The following NALCN variants were observed in gnomAD, a reference collection of about 807,000 sequenced individuals.
NALCN encodes sodium leak channel, non-selective.
NALCN carries 111 observed loss-of-function variants against 225.3 expected under a neutral mutation model. The observed-to-expected ratio is 0.49, with a 90% CI of 0.42 to 0.58. The LOEUF (loss-of-function observed/expected upper bound fraction) is 0.58, where lower values mean the gene tolerates loss of function less well. NALCN is among the 20% of genes least tolerant of loss of function. The pLI, the probability that NALCN is intolerant of heterozygous loss-of-function variation, is 0.00. For missense variants in NALCN, 1,378 were observed against 2,202.4 expected, an observed-to-expected ratio of 0.63 and a Z score of 7.49; for synonymous variants, 764 against 769.0, an observed-to-expected ratio of 0.99 and a Z score of 0.11.
intron 7 of NALCN, among the ~76,000 whole-genome samples, chr13:101,295,895 G>A (rs1391084238): frequency 2.0e-5 from 3 of 152,132 alleles, no homozygotes; most frequent in South Asian, 2.1e-4. Flanking sequence ...TCCAATGGTC[G>A]ACCAATATTT....
At chr13:101,313,106 T>C (rs1346120791) in intron 7 of NALCN, among the ~76,000 whole-genome samples, 1 of 152,066 alleles carries the variant, frequency 6.6e-6, no homozygotes, top group East Asian at 1.9e-4. Flanking sequence ...TAATAAATGG[T>C]GCTGGGAAAA....
At chr13:101,123,245 G>A (rs1167193417) in intron 18 of NALCN, among the ~76,000 whole-genome samples, 1 of 152,178 alleles carries the variant, frequency 6.6e-6, no homozygotes, top group Non-Finnish European at 1.5e-5. Flanking sequence ...GGTGAGTAAG[G>A]TCCCTGTAGT....
rs9513851 is a variant in NALCN, at chr13:101,095,633, G to A, written c.3210C>T (p.Asn1070=). 0.065 allele frequency: 104,033 copies of A among 1,611,716 alleles called. 3,776 individuals carry two copies. The highest frequency in any genetic ancestry group is 0.11 in the South Asian group (10,298 of 90,766). The change falls in exon 28 of 44, where the codon AAC becomes AAT. Residue 1070 remains asparagine (N), a synonymous_variant. Transcript: ENST00000251127. ...IFRINVSVSK[N]LNLKLRPGEK... ...CTCCAGGCCTCAATTTTAAATTTAA[G>A]TTCTTTGACACACTGACATTAATTC... is the stretch of plus-strand genomic sequence containing the variant.
chr13:101,076,355 C>G (rs887211268), intron 34 of NALCN, among the ~76,000 whole-genome samples: 5 of 152,174 alleles, frequency 3.3e-5, no homozygotes, highest in Non-Finnish European at 7.3e-5. Flanking sequence ...ATTCTAGACA[C>G]CACTGAAGAA....
At chr13:101,116,253 T>C (rs1322872787) in intron 18 of NALCN, among the ~76,000 whole-genome samples, 1 of 151,176 alleles carries the variant, frequency 6.6e-6, no homozygotes, top group African/African-American at 2.5e-5. Context: ...GATTGATCCT[T>C]TTTTTTCCCC....
intron 7 of NALCN, among the ~76,000 whole-genome samples, chr13:101,312,726 C>A (rs2044393565): frequency 6.6e-6 from 1 of 152,128 alleles, no homozygotes; most frequent in Admixed American, 6.6e-5. Flanking sequence ...GTCTGAGAGA[C>A]AGTTTGTTAT....
intron 1 of NALCN, among the ~76,000 whole-genome samples, chr13:101,411,201 C>G (rs1566664709): frequency 1.6e-5 from 2 of 124,942 alleles, no homozygotes; most frequent in African/African-American, 6.8e-5. Context: ...AAACTTTATC[C>G]TCTTTCTTTT....
At position 101,225,770 on chromosome 13, in the gene NALCN, A is replaced by T. The variant is rs185520666; in HGVS notation, c.1626+3623T>A. Among the ~76,000 whole-genome samples the T allele has an allele frequency of 3.3e-5, 5 of 152,316 alleles. No homozygotes were observed. The East Asian group carries it at 9.7e-4, about 29-fold the overall frequency. ...GCTAAAACGTGAAAGGAATACCAAA[A>T]CAACCAAATACATTCTTGGTTTAGA... On this transcript the variant is annotated intron_variant, in intron 13 of 43. Coordinates refer to ENST00000251127, the MANE Select transcript of NALCN (RefSeq NM_052867.4).
At chr13:101,275,112 T>G (rs927576065) in intron 10 of NALCN, among the ~76,000 whole-genome samples, 2 of 152,218 alleles carry the variant, frequency 1.3e-5, no homozygotes, top group Non-Finnish European at 1.5e-5. Flanking sequence ...CGGCCACGCC[T>G]CCTGTTTCTG....
intron 10 of NALCN, among the ~76,000 whole-genome samples, chr13:101,273,985 ACAG>A (rs1467647058): frequency 5.9e-5 from 9 of 152,106 alleles, no homozygotes; most frequent in African/African-American, 2.2e-4. Flanking sequence ...AATTTACATT[ACAG>A]GACACCATTT....
At chr13:101,298,655 T>C (rs896398165) in intron 7 of NALCN, among the ~76,000 whole-genome samples, 17 of 152,172 alleles carry the variant, frequency 1.1e-4, no homozygotes, top group African/African-American at 3.6e-4. Flanking sequence ...GAGCGATGAA[T>C]AGTTTAAGAG....
intron 18 of NALCN, among the ~76,000 whole-genome samples, chr13:101,113,570 T>C (rs1444220919): frequency 1.3e-5 from 2 of 152,186 alleles, no homozygotes; most frequent in Admixed American, 1.3e-4. Context: ...TACAAAAGCA[T>C]GGTAAAAGTT....
rs184555347 is a variant in NALCN, at chr13:101,294,959, C to T, written c.800-2593G>A. 3.5e-3 allele frequency among the ~76,000 whole-genome samples: 536 copies of T among 152,138 alleles called. 3 individuals are homozygous for T. Among genetic ancestry groups the T allele is most frequent in the African/African-American group, 0.012 (496 of 41,470 alleles). ...GAAACAGGACGTGAAGCTAGACAAC[C>T]GGTTACAACACAAATTCTCAGAAGG... is the stretch of plus-strand genomic sequence containing the variant. On this transcript the variant is annotated intron_variant, in intron 7 of 43. Transcript: ENST00000251127.
chr13:101,093,692 T>C (rs1203540985), intron 28 of NALCN, among the ~76,000 whole-genome samples: 1 of 152,212 alleles, frequency 6.6e-6, no homozygotes, highest in East Asian at 1.9e-4. Flanking sequence ...ACTGGCAGGT[T>C]TACTTTTCTC....
chr13:101,321,826 A>G (rs2044755534), intron 7 of NALCN, among the ~76,000 whole-genome samples: 1 of 152,186 alleles, frequency 6.6e-6, no homozygotes, highest in Non-Finnish European at 1.5e-5. Context: ...TCATACATTA[A>G]ACTCATAATA....
intron 11 of NALCN, among the ~76,000 whole-genome samples, chr13:101,257,524 C>T (rs955645941): frequency 6.6e-6 from 1 of 152,036 alleles, no homozygotes; most frequent in Non-Finnish European, 1.5e-5. Context: ...TGTAATAACA[C>T]TTAATTATAT....
chr13:101,078,979 G>A (rs1566789864), intron 34 of NALCN, among the ~76,000 whole-genome samples: 1 of 152,168 alleles, frequency 6.6e-6, no homozygotes, highest in Non-Finnish European at 1.5e-5. Flanking sequence ...AGATCTGATG[G>A]TTTTATAAGG....
chr13:101,227,061 C>T (rs1012872324), intron 13 of NALCN, among the ~76,000 whole-genome samples: 3 of 152,256 alleles, frequency 2.0e-5, no homozygotes, highest in South Asian at 2.1e-4. Context: ...AGCTGGAGAG[C>T]GGTGCCTACC....
rs571338269 is a variant in NALCN, at chr13:101,053,945, C to T, written c.*1350G>A. On this transcript the variant is annotated 3_prime_UTR_variant, in exon 44 of 44. Transcript: ENST00000251127. ...TGCCACTACCACGATACTTCTGTGACACAGAAGGAATGTCCTATTTGCCTA... is the reference window on the plus strand; with the variant it reads ...TGCCACTACCACGATACTTCTGTGATACAGAAGGAATGTCCTATTTGCCTA... 2.0e-5 allele frequency: 3 copies of T among 151,984 alleles called. No individual in the cohort carries two copies. Among genetic ancestry groups the T allele is most frequent in the Non-Finnish European group, 2.9e-5 (2 of 68,016 alleles). 9.4% of individuals were successfully genotyped at this position (151,984 alleles called of 1,614,324 possible).
Sources: allele counts gnomAD v4.1 joint callset (sites outside exome capture counted in the v4.1 genomes callset), GRCh38; gene constraint gnomAD v4.1.1; transcripts MANE v1.5; gene names NCBI Gene and HGNC (gene_info 2026-07-23, HGNC 2026-07-21).